The following PPM1A variants were observed in gnomAD, a reference collection of about 807,000 sequenced individuals.
The protein encoded by PPM1A is protein phosphatase, Mg2+/Mn2+ dependent 1A, also known as protein phosphatase 1A.
In PPM1A, 7 loss-of-function variants were observed where a neutral mutation model predicts 35.0. The ratio of observed to expected loss-of-function variants is 0.20; its 90% CI spans 0.11 to 0.38. The LOEUF (loss-of-function observed/expected upper bound fraction) is 0.38, where lower values mean the gene tolerates loss of function less well. PPM1A is among the 10% of genes least tolerant of loss of function. The probability of loss-of-function intolerance (pLI) is 1.00; values close to 1 mark genes in which losing one functional copy is unlikely to be tolerated. For synonymous variants in PPM1A, 153 were observed against 167.3 expected, an observed-to-expected ratio of 0.91 and a Z score of 0.66; for missense variants, 239 against 467.8, an observed-to-expected ratio of 0.51 and a Z score of 4.51.
Position 60,249,592 on chromosome 14 carries a change from C to G in PPM1A, c.-106C>G, listed in dbSNP as rs1450278057. 2 of 987,420 alleles carry G rather than the reference C, an allele frequency of 2.0e-6. No individual in the cohort carries two copies. The highest frequency in any genetic ancestry group is 6.2e-5 in the Admixed American group (1 of 16,158). The allele number at this position is 987,420 out of a possible 1,614,324, so 61.2% of individuals were successfully genotyped here. A position where few individuals can be genotyped will look rare whatever the true frequency, so the allele number is the denominator to read the frequency against. ...GCGGTGACCCCTCCCCCGGCTGCCG[C>G]CGTCGCCGCCGCGGTGACCCCCTCC... On this transcript the variant is annotated 5_prime_UTR_variant, in exon 1 of 6. Transcript: ENST00000395076. This position sits in a 1 kb window ranked among gnomAD's most constrained non-coding sequence, Gnocchi z 4.5.
At position 60,289,831 on chromosome 14, in the gene PPM1A, C is replaced by T. The variant is rs763880248; in HGVS notation, c.978C>T (p.Gly326=). Residue 326 remains glycine (G), a synonymous_variant, in exon 4 of 6, where the codon GGC becomes GGT. Coordinates refer to ENST00000395076, the MANE Select transcript of PPM1A (RefSeq NM_021003.5). This position sits in a 1 kb window ranked among gnomAD's most constrained non-coding sequence, Gnocchi z 4.1. ...AAATCATAAAGAAGCAGGGGGAAGG[C>T]GTCCCCGACTTAGTCCATGTGATGC... ...VEEIIKKQGE[G]VPDLVHVMRT... 8.7e-6 allele frequency: 14 copies of T among 1,608,168 alleles called. No homozygotes were observed. In the Admixed American group the frequency reaches 1.0e-4, roughly 12 times the overall value.
chr14:60,246,476 G>A (rs1490013227), upstream of PPM1A, among the ~76,000 whole-genome samples: 1 of 152,116 alleles, frequency 6.6e-6, no homozygotes, highest in African/African-American at 2.4e-5. Context: ...AAGCAGAGCA[G>A]GATAGTTTTA....
At chr14:60,290,730 A>C (rs1360353853) in intron 4 of PPM1A, among the ~76,000 whole-genome samples, 3 of 152,234 alleles carry the variant, frequency 2.0e-5, no homozygotes, top group Non-Finnish European at 4.4e-5. Context: ...CTTTGTAATC[A>C]CTAAATAGTG....
intron 2 of PPM1A, among the ~76,000 whole-genome samples, chr14:60,284,472 T>C (rs922514193): frequency 6.6e-6 from 1 of 151,938 alleles, no homozygotes; most frequent in Non-Finnish European, 1.5e-5. Flanking sequence ...AAACCCCGTC[T>C]CTACTAAAAA....
intron 1 of PPM1A, among the ~76,000 whole-genome samples, chr14:60,266,116 T>C (rs962848916): frequency 2.0e-5 from 3 of 152,216 alleles, no homozygotes; most frequent in Admixed American, 6.5e-5. Flanking sequence ...AAAAAACAAA[T>C]TTGTGTTTAA....
intron 1 of PPM1A, among the ~76,000 whole-genome samples, chr14:60,255,161 T>G (rs1422740254): frequency 1.9e-5 from 2 of 104,920 alleles, no homozygotes; most frequent in Admixed American, 7.8e-5. Flanking sequence ...TATCATATGT[T>G]TTTTTTTTTT....
intron 3 of PPM1A, chr14:60,287,189 G>A (rs1262054586): frequency 8.5e-6 from 8 of 941,362 alleles, no homozygotes; most frequent in Middle Eastern, 5.5e-4. Flanking sequence ...TCTCTTTAGT[G>A]TGTACACTTT....
At chr14:60,255,426 C>T (rs1054008763) in intron 1 of PPM1A, among the ~76,000 whole-genome samples, 3 of 152,110 alleles carry the variant, frequency 2.0e-5, no homozygotes, top group African/African-American at 7.3e-5. Context: ...CCGCCTCGGC[C>T]TCCCAAAGTG....
intron 1 of PPM1A, among the ~76,000 whole-genome samples, chr14:60,255,700 C>T (rs137870380): frequency 6.6e-6 from 1 of 152,152 alleles, no homozygotes; most frequent in South Asian, 2.1e-4. Flanking sequence ...TCGTAGCAGA[C>T]GTTTCTGACT....
chr14:60,290,479 G>A (rs1343390654), intron 4 of PPM1A, among the ~76,000 whole-genome samples: 3 of 152,084 alleles, frequency 2.0e-5, no homozygotes, highest in Non-Finnish European at 4.4e-5. Context: ...TAAATATTAA[G>A]CTTACACCTT....
chr14:60,253,513 C>T (rs1882691131), intron 1 of PPM1A, among the ~76,000 whole-genome samples: 1 of 152,104 alleles, frequency 6.6e-6, no homozygotes, highest in African/African-American at 2.4e-5. Flanking sequence ...GATGAACCTC[C>T]TTATTACCAG....
chr14:60,292,500 T>C lies in PPM1A; in HGVS notation c.*18T>C, dbSNP rs775843782. 3.1e-6 allele frequency: 5 copies of C among 1,588,096 alleles called. No individual in the cohort carries two copies. In the Admixed American group the frequency reaches 5.0e-5, roughly 16 times the overall value. ...TGTGGTAAAACTGCTCATCTAGCCA[T>C]GGAGTTTACCTTCACCTCCAAAGGA... On this transcript the variant is annotated 3_prime_UTR_variant, in exon 6 of 6. Coordinates refer to ENST00000395076, the MANE Select transcript of PPM1A (RefSeq NM_021003.5). The surrounding 1 kb of genome is among the most constrained non-coding windows in gnomAD (Gnocchi z 4.2).
Position 60,283,735 on chromosome 14 carries a change from A to G in PPM1A, c.834+198A>G, listed in dbSNP as rs1222221004. Among the ~76,000 whole-genome samples, 1 of 152,244 alleles carries G rather than the reference A, an allele frequency of 6.6e-6. No homozygotes were observed. The highest frequency in any genetic ancestry group is 1.5e-5 in the Non-Finnish European group (1 of 68,048). Reference sequence around the variant, plus strand: ...CCCAATTACCATCTCTGCAAGAGTTATAAGCTGAATGTTTAGTCTTACTAC... The same window carrying G: ...CCCAATTACCATCTCTGCAAGAGTTGTAAGCTGAATGTTTAGTCTTACTAC... On this transcript the variant is annotated intron_variant, in intron 2 of 5. Coordinates refer to ENST00000395076, the MANE Select transcript of PPM1A (RefSeq NM_021003.5). The surrounding 1 kb of genome is among the most constrained non-coding windows in gnomAD (Gnocchi z 6.3).
intron 1 of PPM1A, among the ~76,000 whole-genome samples, chr14:60,258,039 C>A (rs1256093670): frequency 6.6e-6 from 1 of 152,032 alleles, no homozygotes; most frequent in Non-Finnish European, 1.5e-5. Context: ...TGTGACCAAC[C>A]CACAGCTTAC....
rs2139580457 is a variant in PPM1A, at chr14:60,289,132, T to G, written c.953-674T>G. 6.6e-6 allele frequency among the ~76,000 whole-genome samples: 1 copy of G among 152,246 alleles called. No individual in the cohort carries two copies. Among genetic ancestry groups the G allele is most frequent in the Non-Finnish European group, 1.5e-5 (1 of 67,956 alleles). ...TATCAAATGGTTCTCTTTTTAAACA[T>G]TTTATAAGGAAATTTAGACCTTTTC... On this transcript the variant is annotated intron_variant, in intron 3 of 5. Transcript: ENST00000395076. This position sits in a 1 kb window ranked among gnomAD's most constrained non-coding sequence, Gnocchi z 4.1.
rs1390240193 is a variant in PPM1A at position 60,298,446 on chromosome 14, AAATAT to A, written c.*5969_*5973del. On this transcript the variant is annotated 3_prime_UTR_variant, in exon 6 of 6. Coordinates refer to ENST00000395076, the MANE Select transcript of PPM1A (RefSeq NM_021003.5). Reference sequence around the variant, plus strand: ...ATGCACACAGTTAATGAGATTTCTAAAATATAATAAGTACAATGTAACAAACGTAT... The same window carrying A: ...ATGCACACAGTTAATGAGATTTCTAAAATAAGTACAATGTAACAAACGTAT... The A allele has an allele frequency of 1.3e-5, 2 of 151,768 alleles. No homozygotes were observed. The highest frequency in any genetic ancestry group is 3.0e-5 in the Non-Finnish European group (2 of 67,720). The allele number at this position is 151,768 out of a possible 1,614,324, so 9.4% of individuals were successfully genotyped here.
rs1031479355 is a variant in PPM1A at position 60,282,407 on chromosome 14, G to C, written c.-20-277G>C. Reference sequence around the variant, plus strand: ...TAAACATTTAGCCTGGTTGGTTTAAGTTGATGGCCACTGCCAGGTCTCCTT... The same window carrying C: ...TAAACATTTAGCCTGGTTGGTTTAACTTGATGGCCACTGCCAGGTCTCCTT... On this transcript the variant is annotated intron_variant, in intron 1 of 5. Coordinates refer to ENST00000395076, the MANE Select transcript of PPM1A (RefSeq NM_021003.5). This position sits in a 1 kb window ranked among gnomAD's most constrained non-coding sequence, Gnocchi z 5.1. Among the ~76,000 whole-genome samples, 1 of 152,182 alleles carries C rather than the reference G, an allele frequency of 6.6e-6. No homozygotes were observed. The highest frequency in any genetic ancestry group is 2.4e-5 in the African/African-American group (1 of 41,440).
At chr14:60,275,846 T>G (rs1321434746) in intron 1 of PPM1A, among the ~76,000 whole-genome samples, 1 of 60,898 alleles carries the variant, frequency 1.6e-5, no homozygotes, top group African/African-American at 9.3e-5. Flanking sequence ...AGATTAGCCT[T>G]TTTTTTTTTT....
Position 60,258,905 on chromosome 14 carries a change from C to T in PPM1A, c.-21+9228C>T, listed in dbSNP as rs142484904. Among the ~76,000 whole-genome samples the T allele has an allele frequency of 5.8e-3, 875 of 152,062 alleles. 8 individuals are homozygous for T. Among genetic ancestry groups the T allele is most frequent in the African/African-American group, 0.02 (846 of 41,492 alleles). On this transcript the variant is annotated intron_variant, in intron 1 of 5. Coordinates refer to ENST00000395076, the MANE Select transcript of PPM1A (RefSeq NM_021003.5). ...GAGATAATTCACCAGATAAATGCTG[C>T]GATAAGGGAAATAGAGGATTCTATG...
Sources: gnomAD v4.1 joint callset for allele counts (sites outside exome capture counted in the v4.1 genomes callset) on GRCh38, gnomAD v4.1.1 for gene constraint, Gnocchi (gnomAD v3.1) non-coding constraint, MANE v1.5 for transcripts, NCBI Gene and HGNC (gene_info 2026-07-23, HGNC 2026-07-21) for gene names.